Variants in PAPSS1 observed in about 807,000 individuals in gnomAD.
PAPSS1 encodes bifunctional 3'-phosphoadenosine 5'-phosphosulfate synthase 1.
Under a neutral mutation model 72.0 loss-of-function variants are expected in PAPSS1, and 50 were observed. That is an observed-to-expected ratio of 0.69 (90% CI 0.55 to 0.88). The LOEUF (loss-of-function observed/expected upper bound fraction) is 0.88. Among genes scored for constraint, PAPSS1 ranks in the 40% least tolerant of loss-of-function variants. The pLI is 0.00. For missense variants in PAPSS1, 657 were observed against 782.2 expected, an observed-to-expected ratio of 0.84 and a Z score of 1.91; for synonymous variants, 261 against 263.6, an observed-to-expected ratio of 0.99 and a Z score of 0.09.
Position 107,635,014 on chromosome 4 carries a change from G to A in PAPSS1, c.1507-3154C>T, listed in dbSNP as rs918998795. 3.3e-5 allele frequency among the ~76,000 whole-genome samples: 5 copies of A among 152,010 alleles called. No homozygotes were observed. In the East Asian group the frequency reaches 5.8e-4, roughly 18 times the overall value. ...GGGGTTTTACCGTGTTAGCCAGGAT[G>A]GTCTCGATCTCCTGACCTTGTGATC... On this transcript the variant is annotated intron_variant, in intron 10 of 11. Coordinates refer to ENST00000265174, the MANE Select transcript of PAPSS1 (RefSeq NM_005443.5).
intron 5 of PAPSS1, among the ~76,000 whole-genome samples, chr4:107,663,909 A>C (rs1727251016): frequency 6.6e-6 from 1 of 152,208 alleles, no homozygotes; most frequent in Non-Finnish European, 1.5e-5. Context: ...TCTTATTTTC[A>C]TGATTTTATT....
intron 1 of PAPSS1, among the ~76,000 whole-genome samples, chr4:107,712,816 C>T (rs2726177): frequency 0.88 from 132,875 of 150,326 alleles, 59,107 homozygotes; most frequent in South Asian, 0.95. Context: ...GAGGTTGCAG[C>T]GAGCCAAGAT....
Position 107,654,403 on chromosome 4 carries a change from T to TC in PAPSS1, c.1101+291dup, listed in dbSNP as rs2110318826. Among the ~76,000 whole-genome samples the TC allele has an allele frequency of 1.3e-5, 2 of 152,312 alleles. 1 individual carries two copies. The highest frequency in any genetic ancestry group is 4.1e-4 in the South Asian group (2 of 4,828). On this transcript the variant is annotated intron_variant, in intron 8 of 11. Transcript: ENST00000265174. ...CTAAGCACACGACGAGATTGTATAC[T>TC]CCAAGAGCTGAAACACTGTGCCGGT...
rs2125934692 is a variant in PAPSS1, at chr4:107,696,420, G to A, written c.176-2414C>T. 2.0e-5 allele frequency among the ~76,000 whole-genome samples: 3 copies of A among 152,298 alleles called. 1 individual carries two copies. In the South Asian group the frequency reaches 6.2e-4, roughly 32 times the overall value. Reference sequence around the variant, plus strand: ...AAAAAGGAATGAGATCATGTCGTCTGCAGGGACATGGACGGAGCTGGAAGC... The same window carrying A: ...AAAAAGGAATGAGATCATGTCGTCTACAGGGACATGGACGGAGCTGGAAGC... On this transcript the variant is annotated intron_variant, in intron 2 of 11. Transcript: ENST00000265174.
At chr4:107,667,020 G>C (rs1398510386) in intron 5 of PAPSS1, among the ~76,000 whole-genome samples, 1 of 152,068 alleles carries the variant, frequency 6.6e-6, no homozygotes, top group African/African-American at 2.4e-5. Flanking sequence ...TGGGAACTGG[G>C]ACCAGAAAGT....
chr4:107,626,378 T>C (rs1726098599), intron 11 of PAPSS1, among the ~76,000 whole-genome samples: 2 of 152,198 alleles, frequency 1.3e-5, no homozygotes, highest in South Asian at 4.1e-4. Context: ...TGTATCTATC[T>C]ACCCTAATAT....
chr4:107,707,336 T>TA (rs1723363174), intron 1 of PAPSS1, among the ~76,000 whole-genome samples: 1 of 152,170 alleles, frequency 6.6e-6, no homozygotes, highest in South Asian at 2.1e-4. Flanking sequence ...CCAGGGCCAC[T>TA]GGGGCCAGCC....
At position 107,661,584 on chromosome 4, in the gene PAPSS1, G is replaced by C. The variant is rs79507964; in HGVS notation, c.670-1512C>G. Among the ~76,000 whole-genome samples, 483 of 152,110 alleles carry C rather than the reference G, an allele frequency of 3.2e-3. 4 individuals are homozygous for C. The highest frequency in any genetic ancestry group is 0.011 in the African/African-American group (463 of 41,506). On this transcript the variant is annotated intron_variant, in intron 5 of 11. Transcript: ENST00000265174. The stretch of plus-strand genomic sequence containing the variant: ...AAGTGAAAATAGCCAATCTGAAAAG[G>C]GTACAGACTATATGATTCCAACTAC...
intron 1 of PAPSS1, chr4:107,718,373 G>A (rs1188110532): frequency 6.6e-6 from 1 of 152,200 alleles, no homozygotes; most frequent in East Asian, 1.9e-4. Context: ...CTCCAGGGCA[G>A]TCAAACAAGT....
chr4:107,717,717 A>G (rs1287770631), intron 1 of PAPSS1, among the ~76,000 whole-genome samples: 1 of 152,172 alleles, frequency 6.6e-6, no homozygotes, highest in African/African-American at 2.4e-5. Flanking sequence ...TGTTTAACTA[A>G]TATCACCCTT....
At chr4:107,698,768 T>G (rs569509050) in intron 2 of PAPSS1, among the ~76,000 whole-genome samples, 1 of 152,282 alleles carries the variant, frequency 6.6e-6, no homozygotes, top group South Asian at 2.1e-4. Flanking sequence ...GAGTTTCACC[T>G]CCAGGAGCTC....
intron 5 of PAPSS1, among the ~76,000 whole-genome samples, chr4:107,679,021 C>A (rs997207382): frequency 6.6e-6 from 1 of 152,064 alleles, no homozygotes; most frequent in Non-Finnish European, 1.5e-5. Flanking sequence ...ATAAAACATG[C>A]TAATGCATGT....
Position 107,614,149 on chromosome 4 carries a change from G to T in PAPSS1, c.*100C>A. 1 of 1,242,812 alleles carries T rather than the reference G, an allele frequency of 8.0e-7. No individual in the cohort carries two copies. The highest frequency in any genetic ancestry group is 1.1e-6 in the Non-Finnish European group (1 of 888,442). 77.0% of individuals were successfully genotyped at this position (1,242,812 alleles called of 1,614,324 possible). A position where few individuals can be genotyped will look rare whatever the true frequency, so the allele number is the denominator to read the frequency against. On this transcript the variant is annotated 3_prime_UTR_variant, in exon 12 of 12. Transcript: ENST00000265174. ...AAGGAAAATGGTCTGTTTTTAGGAA[G>T]CATGTCCAGACAGACACCACAAAGA... is the stretch of plus-strand genomic sequence containing the variant.
chr4:107,697,820 T>C (rs952388117), intron 2 of PAPSS1, among the ~76,000 whole-genome samples: 5 of 152,038 alleles, frequency 3.3e-5, no homozygotes, highest in Admixed American at 3.3e-4. Context: ...TATCTGGAAA[T>C]AGAGTCTTTA....
At chr4:107,658,835 T>C (rs1242665112) in intron 6 of PAPSS1, among the ~76,000 whole-genome samples, 1 of 152,184 alleles carries the variant, frequency 6.6e-6, no homozygotes, top group Non-Finnish European at 1.5e-5. Context: ...ACTGAAGGCC[T>C]AACCCCAATG....
intron 11 of PAPSS1, among the ~76,000 whole-genome samples, chr4:107,623,623 G>A (rs1726023545): frequency 6.6e-6 from 1 of 152,190 alleles, no homozygotes; most frequent in Admixed American, 6.5e-5. Context: ...AAGGAACTGG[G>A]TTCATTTCAG....
intron 11 of PAPSS1, among the ~76,000 whole-genome samples, chr4:107,624,003 A>T (rs570269138): frequency 8.5e-4 from 130 of 152,244 alleles, no homozygotes; most frequent in Middle Eastern, 3.4e-3. Flanking sequence ...TTTATAACCA[A>T]TCCATACAGT....
chr4:107,645,731 G>A (rs1412320010), intron 9 of PAPSS1, among the ~76,000 whole-genome samples: 1 of 152,192 alleles, frequency 6.6e-6, no homozygotes, highest in Non-Finnish European at 1.5e-5. Context: ...CCTACGTGGT[G>A]CTTGCTAGCA....
intron 5 of PAPSS1, among the ~76,000 whole-genome samples, chr4:107,668,504 C>T (rs1451339447): frequency 6.6e-6 from 1 of 152,092 alleles, no homozygotes; most frequent in Non-Finnish European, 1.5e-5. Context: ...AGTCAGTGGG[C>T]TAGGAAACCC....
Sources: allele counts gnomAD v4.1 joint callset (sites outside exome capture counted in the v4.1 genomes callset), GRCh38; gene constraint gnomAD v4.1.1; transcripts MANE v1.5; gene names NCBI Gene and HGNC (gene_info 2026-07-23, HGNC 2026-07-21).